Variants in ACVR2A observed in about 807,000 individuals in gnomAD.
ACVR2A encodes activin receptor type-2A.
In ACVR2A, 7 loss-of-function variants were observed where a neutral mutation model predicts 61.4. That is an observed-to-expected ratio of 0.11 (90% CI 0.06 to 0.21). ACVR2A has a LOEUF of 0.21. ACVR2A is among the 10% of genes least tolerant of loss of function. The pLI is 1.00. For synonymous variants in ACVR2A, 193 were observed against 208.3 expected (o/e 0.93, Z 0.63); for missense variants, 322 against 621.7 (o/e 0.52, Z 5.13).
chr2:147,886,035 C>G (rs1056492907), intron 1 of ACVR2A, among the ~76,000 whole-genome samples: 2 of 151,918 alleles, frequency 1.3e-5, no homozygotes, highest in Non-Finnish European at 2.9e-5. Flanking sequence ...TAAATAATAC[C>G]TACTGAACTA....
intron 1 of ACVR2A, among the ~76,000 whole-genome samples, chr2:147,869,181 A>G (rs922690135): frequency 2.0e-5 from 3 of 152,094 alleles, no homozygotes; most frequent in Non-Finnish European, 2.9e-5. Flanking sequence ...CTACTTTCAT[A>G]TTCCTTAGAA....
At chr2:147,869,839 T>G (rs1685965680) in intron 1 of ACVR2A, among the ~76,000 whole-genome samples, 1 of 151,218 alleles carries the variant, frequency 6.6e-6, no homozygotes, top group African/African-American at 2.4e-5. Flanking sequence ...GGAAAAGTGG[T>G]TGTGGTTGAG....
intron 4 of ACVR2A, among the ~76,000 whole-genome samples, chr2:147,908,857 A>G (rs1381542179): frequency 2.0e-5 from 3 of 152,176 alleles, no homozygotes; most frequent in Admixed American, 1.3e-4. Context: ...ACAGAGATAC[A>G]GATATTTCTT....
chr2:147,865,829 C>T (rs558406823), intron 1 of ACVR2A, among the ~76,000 whole-genome samples: 1 of 152,288 alleles, frequency 6.6e-6, no homozygotes, highest in South Asian at 2.1e-4. Context: ...AGCATTTATG[C>T]AGCACATGGA....
chr2:147,896,946 C>T (rs1369557051), intron 2 of ACVR2A: 1 of 147,636 alleles, frequency 6.8e-6, no homozygotes, highest in Non-Finnish European at 1.5e-5. Flanking sequence ...GATCTTACTA[C>T]ATTCCCCCCT....
At chr2:147,904,185 A>G (rs1470889695) in intron 4 of ACVR2A, among the ~76,000 whole-genome samples, 1 of 152,032 alleles carries the variant, frequency 6.6e-6, no homozygotes, top group African/African-American at 2.4e-5. Flanking sequence ...CTTCCCACAT[A>G]TAGGAAGATG....
At chr2:147,893,757 C>A (rs924899695) in intron 1 of ACVR2A, among the ~76,000 whole-genome samples, 1 of 151,928 alleles carries the variant, frequency 6.6e-6, no homozygotes, top group Non-Finnish European at 1.5e-5. Context: ...TGTAAGAGGC[C>A]GTTATATTTT....
At chr2:147,898,212 A>G (rs1686788525) in intron 2 of ACVR2A, 2 of 152,154 alleles carry the variant, frequency 1.3e-5, no homozygotes, top group African/African-American at 2.4e-5. Flanking sequence ...TTTTGTTTTT[A>G]TACTCTAAAT....
chr2:147,925,856 A>G (rs905318537), intron 9 of ACVR2A, 175 bp from the exon 10 acceptor site: 2 of 553,488 alleles, frequency 3.6e-6, no homozygotes, highest in Non-Finnish European at 3.0e-6. Flanking sequence ...TTTCCCATAC[A>G]TTAGTTTGGT....
At chr2:147,911,542 C>G (rs1018183521) in intron 4 of ACVR2A, among the ~76,000 whole-genome samples, 22 of 152,086 alleles carry the variant, frequency 1.4e-4, no homozygotes, top group Admixed American at 1.4e-3. Flanking sequence ...ACAAGCACGC[C>G]TTTCATATAA....
chr2:147,906,604 T>A (rs1016171696), intron 4 of ACVR2A, among the ~76,000 whole-genome samples: 1 of 152,198 alleles, frequency 6.6e-6, no homozygotes, highest in African/African-American at 2.4e-5. Context: ...AAGTATTCAC[T>A]GTTATTGGTG....
chr2:147,851,592 A>T (rs966043180), intron 1 of ACVR2A, among the ~76,000 whole-genome samples: 9 of 152,044 alleles, frequency 5.9e-5, no homozygotes, highest in African/African-American at 1.9e-4. Flanking sequence ...TACCTGGCTA[A>T]CCCCTTTTTG....
chr2:147,899,742 A>G lies in ACVR2A; in HGVS notation c.374-2A>G. 6.2e-7 allele frequency: 1 copy of G among 1,612,380 alleles called. No homozygotes were observed. Among genetic ancestry groups the G allele is most frequent in the Non-Finnish European group, 8.5e-7 (1 of 1,179,210 alleles). Reference sequence around the variant, plus strand: ...AGTTATTTTTCCCCCCCTTTTCCACAGCCACTTCAAATCCAGTTACACCTA... The same window carrying G: ...AGTTATTTTTCCCCCCCTTTTCCACGGCCACTTCAAATCCAGTTACACCTA... On this transcript the variant is annotated splice_acceptor_variant, in intron 3 of 10. Transcript: ENST00000241416. LOFTEE classifies it high-confidence loss of function.
At chr2:147,922,905 T>G (rs1687418168) in intron 8 of ACVR2A, 68 bp from the exon 9 acceptor site, 1 of 1,537,504 alleles carries the variant, frequency 6.5e-7, no homozygotes. Context: ...TTGATTCATC[T>G]TACAAAATCA....
chr2:147,922,322 C>A (rs932360228), intron 8 of ACVR2A, among the ~76,000 whole-genome samples: 6 of 152,082 alleles, frequency 3.9e-5, no homozygotes, highest in Non-Finnish European at 5.9e-5. Context: ...ATCTAGACTA[C>A]TCTCTAGTTC....
At chr2:147,862,383 C>A (rs1407214618) in intron 1 of ACVR2A, among the ~76,000 whole-genome samples, 1 of 151,736 alleles carries the variant, frequency 6.6e-6, no homozygotes, top group Non-Finnish European at 1.5e-5. Flanking sequence ...GTAGGTAAAT[C>A]CTGCCATTGA....
At chr2:147,896,780 C>G (rs113590632) in intron 2 of ACVR2A, 5 of 272,556 alleles carry the variant, frequency 1.8e-5, no homozygotes, top group Admixed American at 4.7e-5. Context: ...AATATTGTTA[C>G]GATTATAAAC....
chr2:147,872,297 T>C (rs1686041306), intron 1 of ACVR2A, among the ~76,000 whole-genome samples: 1 of 152,014 alleles, frequency 6.6e-6, no homozygotes, highest in African/African-American at 2.4e-5. Flanking sequence ...TAATGGAAAG[T>C]TAATATCATG....
At chr2:147,926,303 G>A in intron 10 of ACVR2A, 142 bp downstream of exon 10, 1 of 1,061,944 alleles carries the variant, frequency 9.4e-7, no homozygotes. Context: ...AGTTCTAGAG[G>A]CAGAATTAGG....
Sources: allele counts gnomAD v4.1 joint callset (sites outside exome capture counted in the v4.1 genomes callset), GRCh38; gene constraint gnomAD v4.1.1; transcripts MANE v1.5; gene names NCBI Gene and HGNC (gene_info 2026-07-23, HGNC 2026-07-21).